Variants in GPC5 observed in about 807,000 individuals in gnomAD.
The protein encoded by GPC5 is glypican-5.
A neutral mutation model predicts 53.9 loss-of-function variants in GPC5; 47 were observed. That is an observed-to-expected ratio of 0.87 (90% confidence interval 0.69 to 1.11). The LOEUF (loss-of-function observed/expected upper bound fraction) is 1.11. Among genes scored for constraint, GPC5 ranks in the 50% most tolerant of loss-of-function variants. GPC5 has a pLI of 0.00. For synonymous variants in GPC5, 286 were observed against 263.3 expected (o/e 1.09, Z -0.84); for missense variants, 748 against 713.1 (o/e 1.05, Z -0.56).
At chr13:92,826,212 A>C (rs1392549106) in intron 7 of GPC5, among the ~76,000 whole-genome samples, 1 of 152,122 alleles carries the variant, frequency 6.6e-6, no homozygotes, top group Admixed American at 6.6e-5. Context: ...GTCCCAAGTA[A>C]GTTCATTTTG....
At position 91,978,126 on chromosome 13, in the gene GPC5, C is replaced by A. The variant is rs201743124; in HGVS notation, c.1401+70069C>A. Among the ~76,000 whole-genome samples the A allele has an allele frequency of 2.0e-5, 3 of 152,284 alleles. No individual in the cohort carries two copies. The East Asian group carries it at 5.8e-4, about 29-fold the overall frequency. ...GCCATGAGCCATGATCGTGCCACTG[C>A]ATGTTCTCATGAAGGCTCTCATATC... On this transcript the variant is annotated intron_variant, in intron 6 of 7. Coordinates refer to ENST00000377067, the MANE Select transcript of GPC5 (RefSeq NM_004466.6).
intron 5 of GPC5, among the ~76,000 whole-genome samples, chr13:91,794,482 T>C (rs1404099647): frequency 6.6e-6 from 1 of 152,224 alleles, no homozygotes; most frequent in Non-Finnish European, 1.5e-5. Context: ...TCCAGGAAGC[T>C]TTCCTCTTCT....
At chr13:91,595,689 C>G (rs2032969579) in intron 2 of GPC5, among the ~76,000 whole-genome samples, 1 of 152,156 alleles carries the variant, frequency 6.6e-6, no homozygotes, top group African/African-American at 2.4e-5. Flanking sequence ...TTTCAAAAAG[C>G]AAAGAAAACC....
chr13:92,803,248 G>T (rs1876974184), intron 7 of GPC5, among the ~76,000 whole-genome samples: 2 of 151,818 alleles, frequency 1.3e-5, no homozygotes, highest in Non-Finnish European at 2.9e-5. Flanking sequence ...TTAATCAGTG[G>T]ATAAATGTTT....
intron 2 of GPC5, among the ~76,000 whole-genome samples, chr13:91,503,517 C>T (rs1246415095): frequency 6.6e-6 from 1 of 151,912 alleles, no homozygotes; most frequent in Non-Finnish European, 1.5e-5. Context: ...TGCAGTCGCT[C>T]ATGCCTATAA....
At chr13:92,276,434 C>T (rs147578907) in intron 7 of GPC5, among the ~76,000 whole-genome samples, 1,793 of 152,014 alleles carry the variant, frequency 0.012, 41 homozygotes, top group African/African-American at 0.041. Context: ...TATTCTTTGA[C>T]GAGACTATTA....
chr13:92,610,276 A>G (rs1424696435), intron 7 of GPC5, among the ~76,000 whole-genome samples: 1 of 152,158 alleles, frequency 6.6e-6, no homozygotes, highest in Non-Finnish European at 1.5e-5. Context: ...TTATCCTAGT[A>G]GAGTTAATCT....
chr13:92,368,473 G>T (rs908849874), intron 7 of GPC5, among the ~76,000 whole-genome samples: 1 of 150,758 alleles, frequency 6.6e-6, no homozygotes, highest in Non-Finnish European at 1.5e-5. Context: ...GTGAAACCCT[G>T]TCTCTACTAA....
intron 7 of GPC5, among the ~76,000 whole-genome samples, chr13:92,544,709 C>A (rs1169793308): frequency 6.6e-6 from 1 of 151,762 alleles, no homozygotes; most frequent in Non-Finnish European, 1.5e-5. Context: ...ATTTTTATTT[C>A]TTCTTTTTTT....
chr13:91,801,028 T>C (rs974770079), intron 5 of GPC5, among the ~76,000 whole-genome samples: 1 of 152,160 alleles, frequency 6.6e-6, no homozygotes, highest in African/African-American at 2.4e-5. Context: ...GCTTGTTAAG[T>C]TTCAGTCTAG....
intron 7 of GPC5, among the ~76,000 whole-genome samples, chr13:92,519,018 A>G (rs1285656930): frequency 6.6e-6 from 1 of 152,212 alleles, no homozygotes; most frequent in African/African-American, 2.4e-5. Context: ...AACAAAGATC[A>G]AAAGAGATAA....
chr13:92,135,022 T>G, intron 6 of GPC5, among the ~76,000 whole-genome samples: 1 of 152,170 alleles, frequency 6.6e-6, no homozygotes, highest in East Asian at 1.9e-4. Flanking sequence ...GCAATTAATT[T>G]ACTTATACCC....
At chr13:92,438,598 A>C (rs754382140) in intron 7 of GPC5, among the ~76,000 whole-genome samples, 3 of 152,022 alleles carry the variant, frequency 2.0e-5, no homozygotes, top group Non-Finnish European at 2.9e-5. Context: ...CCTGGCTTTA[A>C]CATTCAAAAA....
At position 91,950,212 on chromosome 13, in the gene GPC5, T is replaced by C. The variant is rs138939326; in HGVS notation, c.1401+42155T>C. 2.6e-5 allele frequency among the ~76,000 whole-genome samples: 4 copies of C among 152,104 alleles called. No individual in the cohort carries two copies. The East Asian group carries it at 7.7e-4, about 29-fold the overall frequency. On this transcript the variant is annotated intron_variant, in intron 6 of 7. Coordinates refer to ENST00000377067, the MANE Select transcript of GPC5 (RefSeq NM_004466.6). ...CCACACCATTCATGCTCTAACCTTA[T>C]TTCTCCTCACACCAATAGCAGAATT...
At chr13:92,363,965 G>A (rs998187584) in intron 7 of GPC5, among the ~76,000 whole-genome samples, 1 of 151,744 alleles carries the variant, frequency 6.6e-6, no homozygotes, top group Non-Finnish European at 1.5e-5. Context: ...ACATGTTTGA[G>A]AGAGTAGAGG....
At chr13:91,862,182 A>G (rs1594624802) in intron 5 of GPC5, among the ~76,000 whole-genome samples, 1 of 152,184 alleles carries the variant, frequency 6.6e-6, no homozygotes, top group South Asian at 2.1e-4. Flanking sequence ...AGACTAAAAA[A>G]TTTCTGTTAG....
At chr13:91,435,192 C>T (rs1879825882) in intron 1 of GPC5, among the ~76,000 whole-genome samples, 1 of 152,172 alleles carries the variant, frequency 6.6e-6, no homozygotes, top group South Asian at 2.1e-4. Context: ...CTTCTCCTGC[C>T]TGATTGCCCT....
intron 7 of GPC5, among the ~76,000 whole-genome samples, chr13:92,536,993 G>A (rs1881746515): frequency 1.3e-5 from 2 of 151,936 alleles, no homozygotes; most frequent in Non-Finnish European, 2.9e-5. Context: ...ATGTAATGAG[G>A]TATGTTGCAG....
chr13:92,852,011 C>A (rs375574733), intron 7 of GPC5, among the ~76,000 whole-genome samples: 1 of 151,180 alleles, frequency 6.6e-6, no homozygotes, highest in African/African-American at 2.4e-5. Context: ...ATGCATGAAA[C>A]AGAAAAAAAA....
Sources: allele counts gnomAD v4.1 joint callset (sites outside exome capture counted in the v4.1 genomes callset), GRCh38; gene constraint gnomAD v4.1.1; transcripts MANE v1.5; gene names NCBI Gene and HGNC (gene_info 2026-07-23, HGNC 2026-07-21).